EPS8: variants seen among roughly 807,000 people sequenced by gnomAD.
EPS8 encodes the protein epidermal growth factor receptor kinase substrate 8.
In EPS8, 42 loss-of-function variants were observed where a neutral mutation model predicts 103.8. The observed-to-expected ratio is 0.40, with a 90% confidence interval of 0.32 to 0.52. The LOEUF (loss-of-function observed/expected upper bound fraction) is 0.52, where lower values mean the gene tolerates loss of function less well. Ranked by LOEUF, EPS8 falls within the 20% of genes least tolerant of loss-of-function variation. EPS8 has a pLI of 0.40. For synonymous variants in EPS8, 344 were observed against 344.6 expected (o/e 1.00, Z 0.02); for missense variants, 969 against 1,005.1 (o/e 0.96, Z 0.49).
chr12:15,628,988 ATATT>A (rs1944997111), intron 18 of EPS8, among the ~76,000 whole-genome samples: 1 of 152,234 alleles, frequency 6.6e-6, no homozygotes, highest in South Asian at 2.1e-4. Context: ...AAAAAGAAAT[ATATT>A]TATTTAATGC....
chr12:15,667,387 C>T (rs958058250), intron 6 of EPS8, among the ~76,000 whole-genome samples: 1 of 152,114 alleles, frequency 6.6e-6, no homozygotes, highest in African/African-American at 2.4e-5. Context: ...GCCAAGGTCA[C>T]ATTGCTAGTT....
At position 15,688,064 on chromosome 12, in the gene EPS8, A is replaced by T. The variant is rs1033460100; in HGVS notation, c.-21-5092T>A. On this transcript the variant is annotated intron_variant, in intron 1 of 20. Coordinates refer to ENST00000281172, the MANE Select transcript of EPS8 (RefSeq NM_004447.6). The surrounding 1 kb of genome is among the most constrained non-coding windows in gnomAD (Gnocchi z 5.1). ...TGTGTGGTATTTTGAAGCTTAATAA[A>T]ATCACATAGTACCATGAATGACTGA... 2.6e-5 allele frequency among the ~76,000 whole-genome samples: 4 copies of T among 152,232 alleles called. No homozygotes were observed. Among genetic ancestry groups the T allele is most frequent in the Non-Finnish European group, 5.9e-5 (4 of 68,042 alleles).
chr12:15,657,358 G>A (rs573749769), intron 12 of EPS8, among the ~76,000 whole-genome samples: 6 of 152,212 alleles, frequency 3.9e-5, no homozygotes, highest in South Asian at 2.1e-4. Flanking sequence ...GCAACACTCC[G>A]TTTCCCACAC....
intron 1 of EPS8, among the ~76,000 whole-genome samples, chr12:15,689,973 C>T (rs1255733380): frequency 1.3e-5 from 2 of 152,066 alleles, no homozygotes; most frequent in African/African-American, 4.8e-5. Context: ...TATTAAATGG[C>T]ATCTAAAAAT....
intron 13 of EPS8, 111 bp from the exon 14 acceptor site, chr12:15,651,117 A>G: frequency 2.5e-6 from 2 of 798,742 alleles, no homozygotes; most frequent in Non-Finnish European, 4.0e-6. Context: ...TAAATAACAA[A>G]CAACAAAAAC....
rs1469080312 is a variant in EPS8 at position 15,760,300 on chromosome 12, A to T, written c.-22+28861T>A. ...GACCAAAAATAAGTAATAAAATTGA[A>T]GGTGTAATAAAAAATCTCCCAGTAA... is the stretch of plus-strand genomic sequence containing the variant. On this transcript the variant is annotated intron_variant, in intron 1 of 20. Coordinates refer to ENST00000281172, the MANE Select transcript of EPS8 (RefSeq NM_004447.6). The surrounding 1 kb of genome is among the most constrained non-coding windows in gnomAD (Gnocchi z 4.5). Among the ~76,000 whole-genome samples the T allele has an allele frequency of 6.6e-6, 1 of 152,046 alleles. No individual in the cohort carries two copies. The highest frequency in any genetic ancestry group is 2.1e-4 in the South Asian group (1 of 4,826).
At chr12:15,707,393 A>G (rs1227183485) in intron 1 of EPS8, among the ~76,000 whole-genome samples, 2 of 152,114 alleles carry the variant, frequency 1.3e-5, no homozygotes, top group East Asian at 3.8e-4. Flanking sequence ...CTTTGAGTTC[A>G]TCATTACTCA....
At chr12:15,763,138 T>C (rs949166658) in intron 1 of EPS8, among the ~76,000 whole-genome samples, 2 of 152,128 alleles carry the variant, frequency 1.3e-5, no homozygotes, top group African/African-American at 4.8e-5. Flanking sequence ...TTAGTATTAC[T>C]CATACAGGCT....
rs1017893282 is a variant in EPS8 at position 15,752,654 on chromosome 12, G to C, written c.-22+36507C>G. ...TATAATTGTAATAACCAATGGGTAT[G>C]ATTTCCCTTCTCCTGCTCAGGAGGT... On this transcript the variant is annotated intron_variant, in intron 1 of 20. Coordinates refer to ENST00000281172, the MANE Select transcript of EPS8 (RefSeq NM_004447.6). This position sits in a 1 kb window ranked among gnomAD's most constrained non-coding sequence, Gnocchi z 4.4. Among the ~76,000 whole-genome samples, 2 of 152,072 alleles carry C rather than the reference G, an allele frequency of 1.3e-5. No individual in the cohort carries two copies. Among genetic ancestry groups the C allele is most frequent in the East Asian group, 3.9e-4 (2 of 5,158 alleles).
intron 1 of EPS8, among the ~76,000 whole-genome samples, chr12:15,754,856 G>C (rs887624415): frequency 5.3e-5 from 8 of 152,228 alleles, no homozygotes; most frequent in Admixed American, 5.2e-4. Flanking sequence ...CTGTGATATT[G>C]TGATGTGACA....
rs1040199838 is a variant in EPS8, at chr12:15,780,319, G to A, written c.-22+8842C>T. ...CACTCCCATCATGCCAACCTATTCC[G>A]CACATGTCAAACATGCTCATCTTTC... On this transcript the variant is annotated intron_variant, in intron 1 of 20. Coordinates refer to ENST00000281172, the MANE Select transcript of EPS8 (RefSeq NM_004447.6). This position sits in a 1 kb window ranked among gnomAD's most constrained non-coding sequence, Gnocchi z 4.1. Among the ~76,000 whole-genome samples, 2 of 151,876 alleles carry A rather than the reference G, an allele frequency of 1.3e-5. No homozygotes were observed. Among genetic ancestry groups the A allele is most frequent in the Non-Finnish European group, 2.9e-5 (2 of 67,988 alleles).
intron 1 of EPS8, among the ~76,000 whole-genome samples, chr12:15,788,391 C>G (rs1947331311): frequency 6.6e-6 from 1 of 152,182 alleles, no homozygotes; most frequent in Admixed American, 6.5e-5. Context: ...TCCAACAGTA[C>G]TACGGGCCCT....
rs147417304 is a variant in EPS8, at chr12:15,681,591, G to A, written c.60-289C>T. 4.0e-3 allele frequency among the ~76,000 whole-genome samples: 601 copies of A among 151,648 alleles called. 3 individuals are homozygous for A. Among genetic ancestry groups the A allele is most frequent in the African/African-American group, 0.014 (568 of 41,416 alleles). ...ACCGAAAATACAAAATTAGCCGGGC[G>A]TTGTGGCGCATGCCTGTAATCCCAG... On this transcript the variant is annotated intron_variant, in intron 2 of 20. Coordinates refer to ENST00000281172, the MANE Select transcript of EPS8 (RefSeq NM_004447.6).
At chr12:15,765,660 T>C (rs1486849169) in intron 1 of EPS8, among the ~76,000 whole-genome samples, 3 of 152,098 alleles carry the variant, frequency 2.0e-5, no homozygotes, top group African/African-American at 7.2e-5. Flanking sequence ...GAGAGATTTC[T>C]TCAGAAAAGT....
At chr12:15,671,715 G>A (rs1412508244) in intron 3 of EPS8, 7 of 151,948 alleles carry the variant, frequency 4.6e-5, no homozygotes, top group Admixed American at 3.3e-4. Flanking sequence ...TTTAAAATAT[G>A]GAACACTTCA....
intron 3 of EPS8, among the ~76,000 whole-genome samples, chr12:15,679,501 A>G (rs1432266172): frequency 6.6e-6 from 1 of 152,204 alleles, no homozygotes. Context: ...TGAAGTGAAC[A>G]AGACAAATAT....
In EPS8 at chr12:15,780,359, T is replaced by A. The variant is rs879900966; in HGVS notation, c.-22+8802A>T. Among the ~76,000 whole-genome samples, 2 of 151,952 alleles carry A rather than the reference T, an allele frequency of 1.3e-5. No homozygotes were observed. The highest frequency in any genetic ancestry group is 2.9e-5 in the Non-Finnish European group (2 of 68,018). ...GCTCATCTTTCTACCTGGAGAGAGA[T>A]GAGCGTCTCGCTTTGCCTCAAAAAT... On this transcript the variant is annotated intron_variant, in intron 1 of 20. Coordinates refer to ENST00000281172, the MANE Select transcript of EPS8 (RefSeq NM_004447.6). This position sits in a 1 kb window ranked among gnomAD's most constrained non-coding sequence, Gnocchi z 4.1.
rs1947034399 is a variant in EPS8, at chr12:15,760,902, G to A, written c.-22+28259C>T. Among the ~76,000 whole-genome samples, 2 of 152,010 alleles carry A rather than the reference G, an allele frequency of 1.3e-5. No homozygotes were observed. Among genetic ancestry groups the A allele is most frequent in the Admixed American group, 1.3e-4 (2 of 15,252 alleles). On this transcript the variant is annotated intron_variant, in intron 1 of 20. Transcript: ENST00000281172. The surrounding 1 kb of genome is among the most constrained non-coding windows in gnomAD (Gnocchi z 4.5). Reference sequence around the variant, plus strand: ...CTAAGATCTGGCACACAGGAAGTATGCCCACTTTCACCATTATTATTCAAT... The same window carrying A: ...CTAAGATCTGGCACACAGGAAGTATACCCACTTTCACCATTATTATTCAAT...
intron 14 of EPS8, among the ~76,000 whole-genome samples, chr12:15,647,911 C>T (rs950043980): frequency 2.6e-5 from 4 of 152,104 alleles, no homozygotes; most frequent in African/African-American, 4.8e-5. Context: ...ACCCCAGGGC[C>T]GGGGATGATG....
Sources: allele counts gnomAD v4.1 joint callset (sites outside exome capture counted in the v4.1 genomes callset), GRCh38; gene constraint gnomAD v4.1.1; non-coding constraint Gnocchi (gnomAD v3.1); transcripts MANE v1.5; gene names NCBI Gene and HGNC (gene_info 2026-07-23, HGNC 2026-07-21).